The following NAALADL2 variants were observed in gnomAD, a reference collection of about 807,000 sequenced individuals.
The protein encoded by NAALADL2 is N-acetylated alpha-linked acidic dipeptidase like 2.
NAALADL2 carries 76 observed loss-of-function variants against 87.2 expected under a neutral mutation model. That is an observed-to-expected ratio of 0.87 (90% CI 0.72 to 1.05). NAALADL2 has a LOEUF of 1.05. Among genes scored for constraint, NAALADL2 ranks in the 50% least tolerant of loss-of-function variants. The pLI is 0.00. For missense variants in NAALADL2, 1,089 were observed against 945.8 expected (o/e 1.15, Z -1.99); for synonymous variants, 354 against 331.0 (o/e 1.07, Z -0.75).
chr3:175,738,984 A>G (rs901690516), intron 12 of NAALADL2, among the ~76,000 whole-genome samples: 4 of 152,148 alleles, frequency 2.6e-5, no homozygotes, highest in Non-Finnish European at 4.4e-5. Flanking sequence ...TTTAGTTTTT[A>G]TATTTTATAC....
chr3:174,696,645 A>G (rs568526955), intron 2 of NAALADL2, among the ~76,000 whole-genome samples: 2 of 151,028 alleles, frequency 1.3e-5, no homozygotes, highest in East Asian at 1.9e-4. Context: ...GCAGAGTAGA[A>G]CTACAGATAT....
At chr3:174,787,575 T>TCATATATATATATATATATATATATATA (rs1716824332) in intron 3 of NAALADL2, among the ~76,000 whole-genome samples, 11 of 13,054 alleles carry the variant, frequency 8.4e-4, no homozygotes, top group East Asian at 6.5e-3. Context: ...CAATATATCA[T>TCATATATATATATATATATATATATATA]CATATATATA....
chr3:175,353,112 G>A (rs1560415574), intron 5 of NAALADL2, among the ~76,000 whole-genome samples: 1 of 144,020 alleles, frequency 6.9e-6, no homozygotes, highest in Admixed American at 6.8e-5. Flanking sequence ...AATAAAATGT[G>A]TGTGTGTGTG....
At chr3:175,264,711 C>A (rs986070445) in intron 4 of NAALADL2, among the ~76,000 whole-genome samples, 1 of 151,472 alleles carries the variant, frequency 6.6e-6, no homozygotes, top group Non-Finnish European at 1.5e-5. Flanking sequence ...TAAATAATGT[C>A]ATAAGATGGT....
At chr3:175,334,501 CTTAT>C (rs1223189303) in intron 5 of NAALADL2, among the ~76,000 whole-genome samples, 2 of 152,126 alleles carry the variant, frequency 1.3e-5, no homozygotes, top group Non-Finnish European at 2.9e-5. Context: ...AGAAATCTAT[CTTAT>C]TTATTTATGG....
chr3:174,681,929 C>T (rs1217957613), intron 2 of NAALADL2, among the ~76,000 whole-genome samples: 1 of 152,142 alleles, frequency 6.6e-6, no homozygotes, highest in Non-Finnish European at 1.5e-5. Context: ...GGCAGTGCCC[C>T]AGACCTAGCA....
At chr3:175,551,652 C>A (rs958565665) in intron 9 of NAALADL2, among the ~76,000 whole-genome samples, 1 of 152,166 alleles carries the variant, frequency 6.6e-6, no homozygotes, top group African/African-American at 2.4e-5. Flanking sequence ...GTAATCCCAA[C>A]ACTTTGGGAG....
At chr3:175,519,554 A>T (rs563129441) in intron 9 of NAALADL2, among the ~76,000 whole-genome samples, 2 of 152,362 alleles carry the variant, frequency 1.3e-5, no homozygotes, top group East Asian at 3.9e-4. Flanking sequence ...GAACACATAA[A>T]ACAATATATA....
At chr3:174,482,686 G>GCCAAGAGC (rs1717633008) in intron 1 of NAALADL2, among the ~76,000 whole-genome samples, 2 of 151,860 alleles carry the variant, frequency 1.3e-5, no homozygotes, top group African/African-American at 4.8e-5. Context: ...CAACCCCTCT[G>GCCAAGAGC]TCTTATTCCT....
At chr3:174,475,113 A>G (rs949875476) in intron 1 of NAALADL2, among the ~76,000 whole-genome samples, 2 of 151,952 alleles carry the variant, frequency 1.3e-5, no homozygotes, top group East Asian at 1.9e-4. Context: ...TTAGAGAAAA[A>G]TAGGTCCCAA....
intron 1 of NAALADL2, among the ~76,000 whole-genome samples, chr3:175,056,461 C>G (rs73038470): frequency 0.08 from 12,222 of 152,126 alleles, 1,621 homozygotes; most frequent in African/African-American, 0.28. Context: ...ACCATCTCTC[C>G]GGTGACCCTT....
In NAALADL2 at chr3:175,667,181, GAGAAAGAAAGAAAGAAAGAAAGAAAGAA is replaced by G. The variant is rs201860926; in HGVS notation, c.1896+39829_1896+39856del. ...AAAGAAAAAGAAAGAAAGAAAGAAA[GAGAAAGAAAGAAAGAAAGAAAGAAAGAA>G]AGAAAGAAAGAAAGAAAGAAAGAAA... On this transcript the variant is annotated intron_variant, in intron 11 of 13. Transcript: ENST00000454872. Among the ~76,000 whole-genome samples the G allele has an allele frequency of 5.8e-4, 55 of 95,236 alleles. No individual in the cohort carries two copies. The East Asian group carries it at 0.013, about 23-fold the overall frequency. 62.5% of individuals were successfully genotyped at this position (95,236 alleles called of 152,430 possible).
At chr3:174,525,079 A>G (rs746323359) in intron 1 of NAALADL2, among the ~76,000 whole-genome samples, 3 of 152,218 alleles carry the variant, frequency 2.0e-5, no homozygotes, top group Non-Finnish European at 4.4e-5. Flanking sequence ...GTCTAGATGT[A>G]AATACCACCT....
intron 2 of NAALADL2, among the ~76,000 whole-genome samples, chr3:175,131,638 G>T (rs1266229970): frequency 6.6e-6 from 1 of 152,146 alleles, no homozygotes; most frequent in East Asian, 1.9e-4. Flanking sequence ...ATCCTGGCCC[G>T]TTCTCAATGA....
At chr3:174,547,746 G>A (rs1269290613) in intron 1 of NAALADL2, among the ~76,000 whole-genome samples, 1 of 152,054 alleles carries the variant, frequency 6.6e-6, no homozygotes, top group African/African-American at 2.4e-5. Context: ...TGAGTCAAGT[G>A]ACATTGGGAC....
At chr3:175,661,466 C>T (rs1732244846) in intron 11 of NAALADL2, among the ~76,000 whole-genome samples, 1 of 151,686 alleles carries the variant, frequency 6.6e-6, no homozygotes, top group Non-Finnish European at 1.5e-5. Flanking sequence ...TGTCACTTCA[C>T]TTTGTTAATT....
intron 1 of NAALADL2, among the ~76,000 whole-genome samples, chr3:175,077,242 G>A (rs1414237230): frequency 6.6e-6 from 1 of 152,102 alleles, no homozygotes; most frequent in Non-Finnish European, 1.5e-5. Flanking sequence ...AATATTTCAA[G>A]CTTTAAATGT....
intron 10 of NAALADL2, among the ~76,000 whole-genome samples, chr3:175,576,994 G>C (rs1389638340): frequency 1.3e-5 from 2 of 152,084 alleles, no homozygotes; most frequent in East Asian, 3.9e-4. Flanking sequence ...CTCAACTTTA[G>C]ATATGCAATA....
chr3:175,205,213 A>T (rs991918856), intron 2 of NAALADL2, among the ~76,000 whole-genome samples: 4 of 152,136 alleles, frequency 2.6e-5, no homozygotes, highest in African/African-American at 9.7e-5. Context: ...TATACTATAA[A>T]GCCATATTCA....
Sources: allele counts gnomAD v4.1 joint callset (sites outside exome capture counted in the v4.1 genomes callset), GRCh38; gene constraint gnomAD v4.1.1; transcripts MANE v1.5; gene names NCBI Gene and HGNC (gene_info 2026-07-23, HGNC 2026-07-21).